Variants in TLL1 observed in about 807,000 individuals in gnomAD.
TLL1 encodes the protein tolloid like 1, also known as tolloid-like protein 1.
In TLL1, 49 loss-of-function variants were observed where a neutral mutation model predicts 128.2. The ratio of observed to expected loss-of-function variants is 0.38; its 90% CI spans 0.30 to 0.48. TLL1 has a LOEUF of 0.48. TLL1 is among the 20% of genes least tolerant of loss of function. The pLI, the probability that TLL1 is intolerant of heterozygous loss-of-function variation, is 0.96. For synonymous variants in TLL1, 454 were observed against 418.8 expected (o/e 1.08, Z -1.03); for missense variants, 1,123 against 1,242.0 (o/e 0.90, Z 1.44).
chr4:166,033,609 A>G (rs78546928), intron 9 of TLL1, among the ~76,000 whole-genome samples: 16,788 of 152,264 alleles, frequency 0.11, 948 homozygotes, highest in South Asian at 0.13. Context: ...AACTGTATAC[A>G]TAAGTATGGT....
At chr4:165,903,501 C>T (rs1452154367) in intron 1 of TLL1, among the ~76,000 whole-genome samples, 1 of 149,804 alleles carries the variant, frequency 6.7e-6, no homozygotes, top group East Asian at 2.0e-4. Context: ...CAACCTGCGC[C>T]TCCTGGGTTC....
chr4:166,004,572 G>A (rs543595849), intron 6 of TLL1, among the ~76,000 whole-genome samples: 2 of 152,218 alleles, frequency 1.3e-5, no homozygotes, highest in South Asian at 2.1e-4. Flanking sequence ...AAGGCATGAC[G>A]AAAAGTCCCT....
At chr4:165,938,975 G>A (rs914511764) in intron 1 of TLL1, among the ~76,000 whole-genome samples, 1 of 150,902 alleles carries the variant, frequency 6.6e-6, no homozygotes, top group Non-Finnish European at 1.5e-5. Flanking sequence ...TTGTTTTCGT[G>A]TTTCCTCAGA....
chr4:165,881,020 A>T (rs773374040), intron 1 of TLL1, among the ~76,000 whole-genome samples: 1 of 152,234 alleles, frequency 6.6e-6, no homozygotes, highest in Non-Finnish European at 1.5e-5. Flanking sequence ...TCCAGAAAAG[A>T]TGGAACTTTG....
At chr4:165,894,232 A>G (rs1426200233) in intron 1 of TLL1, among the ~76,000 whole-genome samples, 1 of 152,192 alleles carries the variant, frequency 6.6e-6, no homozygotes, top group Admixed American at 6.5e-5. Flanking sequence ...AGTACAAGGA[A>G]CATGAAGAAA....
chr4:165,963,211 T>C (rs1735203990), intron 1 of TLL1, among the ~76,000 whole-genome samples: 1 of 151,996 alleles, frequency 6.6e-6, no homozygotes, highest in South Asian at 2.1e-4. Context: ...AACTATCTAT[T>C]GGGTACTATG....
intron 1 of TLL1, chr4:165,919,848 T>C (rs1396833000): frequency 2.2e-6 from 1 of 456,022 alleles, no homozygotes; most frequent in Non-Finnish European, 4.4e-6. Flanking sequence ...ACCACTGCTC[T>C]AAGCAGTGTT....
intron 1 of TLL1, among the ~76,000 whole-genome samples, chr4:165,966,734 T>C (rs565077189): frequency 3.8e-4 from 58 of 152,042 alleles, no homozygotes; most frequent in African/African-American, 1.3e-3. Flanking sequence ...GGTGTACAAA[T>C]AGGGTATGGG....
At position 165,937,277 on chromosome 4, in the gene TLL1, A is replaced by G. The variant is rs577978395; in HGVS notation, c.170-52104A>G. ...CTGATGTGTTTGTTCAAATATGTCC[A>G]ATTCCAATTTTGGATGACTGGGTTT... On this transcript the variant is annotated intron_variant, in intron 1 of 20. Coordinates refer to ENST00000061240, the MANE Select transcript of TLL1 (RefSeq NM_012464.5). Among the ~76,000 whole-genome samples the G allele has an allele frequency of 2.3e-4, 35 of 152,256 alleles. No individual in the cohort carries two copies. In the South Asian group the frequency reaches 7.0e-3, roughly 31 times the overall value.
At chr4:166,099,572 C>A in intron 20 of TLL1, 45 bp downstream of exon 20, 5 of 1,610,316 alleles carry the variant, frequency 3.1e-6, no homozygotes, top group Non-Finnish European at 4.2e-6. Context: ...ATTAAAGATG[C>A]CTATTGATTC....
chr4:166,074,056 G>C (rs1263129534), intron 16 of TLL1, among the ~76,000 whole-genome samples: 1 of 152,044 alleles, frequency 6.6e-6, no homozygotes, highest in African/African-American at 2.4e-5. Context: ...ATAGAGTGAT[G>C]GTTGATGCCT....
At chr4:166,028,954 T>C (rs1286315487) in intron 9 of TLL1, among the ~76,000 whole-genome samples, 2 of 152,002 alleles carry the variant, frequency 1.3e-5, no homozygotes, top group African/African-American at 4.8e-5. Flanking sequence ...ATTTTAATTC[T>C]ATTTATTGTG....
intron 15 of TLL1, 136 bp from the exon 16 acceptor site, chr4:166,065,546 AT>A (rs1740529936): frequency 3.5e-6 from 3 of 855,896 alleles, no homozygotes; most frequent in Non-Finnish European, 5.5e-6. Flanking sequence ...GTCTGACCTG[AT>A]TTTTTTCCTT....
intron 1 of TLL1, among the ~76,000 whole-genome samples, chr4:165,942,063 A>G (rs904848844): frequency 6.6e-6 from 1 of 152,142 alleles, no homozygotes; most frequent in Non-Finnish European, 1.5e-5. Context: ...GGGCACTCAG[A>G]GAAAGATTAA....
intron 8 of TLL1, among the ~76,000 whole-genome samples, chr4:166,024,425 T>C (rs1034116410): frequency 6.6e-6 from 1 of 152,182 alleles, no homozygotes; most frequent in Non-Finnish European, 1.5e-5. Flanking sequence ...GAAGGAACTG[T>C]TCTTTCAAAT....
chr4:165,972,918 T>C (rs1311503089), intron 1 of TLL1, among the ~76,000 whole-genome samples: 1 of 152,154 alleles, frequency 6.6e-6, no homozygotes. Flanking sequence ...TTAGTGCCTT[T>C]GTATGAAGTA....
intron 19 of TLL1, among the ~76,000 whole-genome samples, chr4:166,097,110 A>AGT (rs1423145278): frequency 7.2e-5 from 11 of 152,090 alleles, no homozygotes; most frequent in African/African-American, 2.4e-4. Flanking sequence ...AGTACTATGG[A>AGT]TGATTCCCTT....
intron 19 of TLL1, among the ~76,000 whole-genome samples, chr4:166,092,831 C>G (rs1741836506): frequency 1.3e-5 from 2 of 152,040 alleles, no homozygotes. Flanking sequence ...GTTGGTACAT[C>G]TGGGTTCCTG....
chr4:165,954,319 G>C (rs917785811), intron 1 of TLL1, among the ~76,000 whole-genome samples: 5 of 152,106 alleles, frequency 3.3e-5, no homozygotes, highest in African/African-American at 1.2e-4. Context: ...AATACACTTA[G>C]AAGGAATAAG....
Sources: gnomAD v4.1 joint callset for allele counts (sites outside exome capture counted in the v4.1 genomes callset) on GRCh38, gnomAD v4.1.1 for gene constraint, MANE v1.5 for transcripts, NCBI Gene and HGNC (gene_info 2026-07-23, HGNC 2026-07-21) for gene names.